SORCS3: variants seen among roughly 807,000 people sequenced by gnomAD.
SORCS3 encodes the protein sortilin related VPS10 domain containing receptor 3.
SORCS3 carries 57 observed loss-of-function variants against 146.3 expected under a neutral mutation model. The observed-to-expected ratio is 0.39, with a 90% CI of 0.31 to 0.49. The LOEUF is 0.49. SORCS3 is among the 20% of genes least tolerant of loss of function. SORCS3 has a pLI of 0.92. For synonymous variants in SORCS3, 653 were observed against 618.5 expected, an observed-to-expected ratio of 1.06 and a Z score of -0.83; for missense variants, 1,341 against 1,575.5, an observed-to-expected ratio of 0.85 and a Z score of 2.52.
intron 2 of SORCS3, among the ~76,000 whole-genome samples, chr10:104,868,001 A>G (rs77783815): frequency 0.014 from 2,078 of 152,286 alleles, 49 homozygotes; most frequent in African/African-American, 0.047. Flanking sequence ...GCTTCTCTGT[A>G]TTCATTAGCA....
At chr10:104,970,583 A>G (rs549279687) in intron 3 of SORCS3, among the ~76,000 whole-genome samples, 1 of 152,242 alleles carries the variant, frequency 6.6e-6, no homozygotes, top group East Asian at 1.9e-4. Context: ...AGAGGAAGTT[A>G]TTTGGTCTAT....
chr10:104,865,121 TC>T, intron 2 of SORCS3, among the ~76,000 whole-genome samples: 1 of 152,210 alleles, frequency 6.6e-6, no homozygotes, highest in Non-Finnish European at 1.5e-5. Context: ...CACTACTGTT[TC>T]CCCTTCCCCA....
At chr10:104,695,947 T>G (rs1373405579) in intron 1 of SORCS3, among the ~76,000 whole-genome samples, 1 of 144,664 alleles carries the variant, frequency 6.9e-6, no homozygotes, top group East Asian at 2.0e-4. Flanking sequence ...ATATATATAA[T>G]ATATATATTA....
chr10:104,831,344 GA>G (rs1163011082), intron 1 of SORCS3, among the ~76,000 whole-genome samples: 2 of 152,206 alleles, frequency 1.3e-5, no homozygotes, highest in African/African-American at 4.8e-5. Flanking sequence ...GAGAGTAGGA[GA>G]AAAGAGAGTA....
chr10:104,688,512 C>T (rs777626142), intron 1 of SORCS3, among the ~76,000 whole-genome samples: 5 of 152,322 alleles, frequency 3.3e-5, no homozygotes, highest in South Asian at 4.1e-4. Context: ...AGGAGTGCAG[C>T]GGTGGGGACC....
intron 4 of SORCS3, among the ~76,000 whole-genome samples, chr10:105,040,247 C>T (rs893448886): frequency 2.0e-5 from 3 of 152,032 alleles, no homozygotes; most frequent in African/African-American, 7.2e-5. Flanking sequence ...CTTTTCCCCA[C>T]CTCTCAATAT....
intron 7 of SORCS3, among the ~76,000 whole-genome samples, chr10:105,129,328 T>TCC (rs2055999259): frequency 1.2e-5 from 1 of 82,076 alleles, no homozygotes. Context: ...TTTCTTTCTT[T>TCC]CTCTTTTTTT....
At chr10:104,785,084 C>T (rs1452453072) in intron 1 of SORCS3, among the ~76,000 whole-genome samples, 1 of 152,138 alleles carries the variant, frequency 6.6e-6, no homozygotes, top group African/African-American at 2.4e-5. Flanking sequence ...GGGCTGACCC[C>T]CCCCCACCTC....
At chr10:105,122,238 T>C (rs1250746343) in intron 7 of SORCS3, among the ~76,000 whole-genome samples, 3 of 152,202 alleles carry the variant, frequency 2.0e-5, no homozygotes, top group Non-Finnish European at 2.9e-5. Flanking sequence ...GATTTCAGAG[T>C]TTCAGCTTTA....
chr10:105,250,009 G>A (rs2056889597), intron 22 of SORCS3, among the ~76,000 whole-genome samples: 1 of 152,206 alleles, frequency 6.6e-6, no homozygotes, highest in African/African-American at 2.4e-5. Context: ...AACAACAGAA[G>A]TGTATTTCTC....
chr10:105,247,272 C>T lies in SORCS3; in HGVS notation c.3046C>T (p.Pro1016Ser). Residue 1016 changes from proline (P) to serine (S), a missense_variant, in exon 22 of 27, where the codon CCT (proline) becomes TCT (serine). Pro to Ser is a moderately conservative substitution (Grantham distance 74). Coordinates refer to ENST00000369701, the MANE Select transcript of SORCS3 (RefSeq NM_014978.3). ...CTCTCCTAATCTGGATTACCACAATCCTGACATTCCTGAGTGGAGAAAAGA... is the reference window on the plus strand; with the variant it reads ...CTCTCCTAATCTGGATTACCACAATTCTGACATTCCTGAGTGGAGAAAAGA... ...SFSPNLDYHN[P>S]DIPEWRKDIG... The T allele has an allele frequency of 6.2e-7, 1 of 1,612,956 alleles. No homozygotes were observed. The highest frequency in any genetic ancestry group is 8.5e-7 in the Non-Finnish European group (1 of 1,179,064).
chr10:105,252,152 C>A (rs1025447470), intron 22 of SORCS3, among the ~76,000 whole-genome samples: 1 of 152,092 alleles, frequency 6.6e-6, no homozygotes, highest in East Asian at 1.9e-4. Context: ...GTCTTTAGAA[C>A]AAACTCACCA....
At chr10:105,244,608 A>G (rs2056854972) in intron 20 of SORCS3, among the ~76,000 whole-genome samples, 1 of 152,096 alleles carries the variant, frequency 6.6e-6, no homozygotes, top group Non-Finnish European at 1.5e-5. Context: ...TTATTGGGGG[A>G]AAAACAGAAA....
rs576184560 is a variant in SORCS3 at position 104,780,276 on chromosome 10, A to G, written c.628-62516A>G. Among the ~76,000 whole-genome samples, 4 of 152,216 alleles carry G rather than the reference A, an allele frequency of 2.6e-5. 1 individual carries two copies. The South Asian group carries it at 8.3e-4, about 32-fold the overall frequency. On this transcript the variant is annotated intron_variant, in intron 1 of 26. Transcript: ENST00000369701. ...TGTGAGCATACATACCAATATGATC[A>G]CTGTAATTATAATAATAATAAATGT...
intron 1 of SORCS3, among the ~76,000 whole-genome samples, chr10:104,826,270 C>A (rs140181081): frequency 6.6e-6 from 1 of 152,274 alleles, no homozygotes; most frequent in Non-Finnish European, 1.5e-5. Context: ...CACCTTGGCC[C>A]TTCCTGTATT....
intron 16 of SORCS3, among the ~76,000 whole-genome samples, chr10:105,204,975 C>G (rs1011137752): frequency 2.6e-4 from 39 of 152,164 alleles, no homozygotes; most frequent in Admixed American, 9.2e-4. Flanking sequence ...AGCCTTGTCC[C>G]CTTCTCAATG....
intron 5 of SORCS3, among the ~76,000 whole-genome samples, chr10:105,082,856 G>A (rs540662420): frequency 2.6e-5 from 4 of 152,180 alleles, no homozygotes; most frequent in Admixed American, 2.6e-4. Flanking sequence ...TCAGCCTCCT[G>A]AGTAGCTGGG....
intron 3 of SORCS3, among the ~76,000 whole-genome samples, chr10:104,962,407 A>C (rs982928224): frequency 1.3e-5 from 2 of 152,126 alleles, no homozygotes; most frequent in African/African-American, 4.8e-5. Context: ...TTTCTTGTGG[A>C]GGGGAGATTC....
At position 105,214,428 on chromosome 10, in the gene SORCS3, T is replaced by C; in HGVS notation, c.2376-14T>C. 3.1e-6 allele frequency: 5 copies of C among 1,613,864 alleles called. No homozygotes were observed. The highest frequency in any genetic ancestry group is 4.2e-6 in the Non-Finnish European group (5 of 1,179,862). ...AATCAACACAAACCACTATCAATTGTCAATTCTACTTAGGTATCGGCGGAT... is the reference window on the plus strand; with the variant it reads ...AATCAACACAAACCACTATCAATTGCCAATTCTACTTAGGTATCGGCGGAT... On this transcript the variant is annotated splice_polypyrimidine_tract_variant and intron_variant, in intron 17 of 26. Coordinates refer to ENST00000369701, the MANE Select transcript of SORCS3 (RefSeq NM_014978.3).
Sources: allele counts gnomAD v4.1 joint callset (sites outside exome capture counted in the v4.1 genomes callset), GRCh38; gene constraint gnomAD v4.1.1; transcripts MANE v1.5; gene names NCBI Gene and HGNC (gene_info 2026-07-23, HGNC 2026-07-21).